The following PDE1A variants were observed in gnomAD, a reference collection of about 807,000 sequenced individuals.
PDE1A encodes the protein dual specificity calcium/calmodulin-dependent 3',5'-cyclic nucleotide phosphodiesterase 1A.
Under a neutral mutation model 61.7 loss-of-function variants are expected in PDE1A, and 35 were observed. The ratio of observed to expected loss-of-function variants is 0.57; its 90% CI spans 0.43 to 0.75. The LOEUF (loss-of-function observed/expected upper bound fraction) is 0.75. Among genes scored for constraint, PDE1A ranks in the 30% least tolerant of loss-of-function variants. The pLI, the probability that PDE1A is intolerant of heterozygous loss-of-function variation, is 0.00. For synonymous variants in PDE1A, 232 were observed against 213.2 expected (o/e 1.09, Z -0.77); for missense variants, 597 against 630.6 (o/e 0.95, Z 0.57).
intron 1 of PDE1A, among the ~76,000 whole-genome samples, chr2:182,338,159 T>C (rs1487705871): frequency 6.6e-6 from 1 of 152,192 alleles, no homozygotes. Context: ...CTTACTGCCT[T>C]GAATGAGGCC....
At chr2:182,567,237 A>G in the PDE1A span, among the ~76,000 whole-genome samples, 4 of 152,280 alleles carry the variant, frequency 2.6e-5, no homozygotes, top group South Asian at 4.1e-4. Flanking sequence ...GATTCCCACA[A>G]AACGTTTGCT....
At chr2:182,563,416 A>G in the PDE1A span, among the ~76,000 whole-genome samples, 10 of 152,150 alleles carry the variant, frequency 6.6e-5, no homozygotes, top group African/African-American at 2.4e-4. Flanking sequence ...CTGTGGTCTG[A>G]GAGATAGTTT....
chr2:182,268,044 T>C (rs1339403189), intron 1 of PDE1A, among the ~76,000 whole-genome samples: 2 of 152,154 alleles, frequency 1.3e-5, no homozygotes, highest in Non-Finnish European at 2.9e-5. Context: ...AAATTCTTTT[T>C]AATAATGATT....
At chr2:182,529,567 T>C in the PDE1A span, among the ~76,000 whole-genome samples, 1 of 152,192 alleles carries the variant, frequency 6.6e-6, no homozygotes, top group Non-Finnish European at 1.5e-5. Context: ...AAGGCATGAT[T>C]GATTTTGAAA....
At chr2:182,367,043 T>C (rs115099074) in intron 1 of PDE1A, among the ~76,000 whole-genome samples, 1,864 of 152,166 alleles carry the variant, frequency 0.012, 20 homozygotes, top group Middle Eastern at 0.027. Flanking sequence ...TTAACACTGA[T>C]CACTAATGTA....
the PDE1A span, among the ~76,000 whole-genome samples, chr2:182,674,309 A>G: frequency 6.6e-6 from 1 of 152,030 alleles, no homozygotes; most frequent in South Asian, 2.1e-4. Flanking sequence ...TAAAATGCCC[A>G]TAGTGCCTTC....
the PDE1A span, among the ~76,000 whole-genome samples, chr2:182,674,601 C>A: frequency 2.0e-5 from 3 of 151,372 alleles, no homozygotes; most frequent in Admixed American, 1.3e-4. Flanking sequence ...TACCCCACCA[C>A]CCCACCCACT....
the PDE1A span, among the ~76,000 whole-genome samples, chr2:182,626,751 A>G: frequency 3.7e-5 from 1 of 27,082 alleles, no homozygotes. Context: ...ATATATACAT[A>G]TATATATATA....
At chr2:182,658,195 C>T in the PDE1A span, among the ~76,000 whole-genome samples, 63 of 152,160 alleles carry the variant, frequency 4.1e-4, no homozygotes, top group Admixed American at 1.0e-3. Context: ...AGAGGCTAGA[C>T]GTCCAAAGTC....
chr2:182,384,456 G>A (rs1253119901), intron 1 of PDE1A, among the ~76,000 whole-genome samples: 1 of 93,124 alleles, frequency 1.1e-5, no homozygotes, highest in African/African-American at 4.2e-5. Context: ...TTAATAAAGA[G>A]AAAATAATAA....
the PDE1A span, among the ~76,000 whole-genome samples, chr2:182,696,719 C>G: frequency 6.6e-6 from 1 of 152,000 alleles, no homozygotes; most frequent in African/African-American, 2.4e-5. Context: ...TGTGTGGGGA[C>G]AGGGGGAATA....
intron 2 of PDE1A, among the ~76,000 whole-genome samples, chr2:182,432,147 A>T (rs752185785): frequency 3.3e-5 from 5 of 152,028 alleles, no homozygotes; most frequent in Non-Finnish European, 1.5e-5. Context: ...TTCCTCACTA[A>T]TCAAACTAAG....
At chr2:182,527,325 AAAATATATATATATATATATAT>A (rs1690790610), upstream of PDE1A, among the ~76,000 whole-genome samples, 31 of 38,114 alleles carry the variant, frequency 8.1e-4, 4 homozygotes, top group African/African-American at 1.2e-3. Context: ...AAAAAAAAAA[AAAATATATATATATATATATAT>A]ATATATATAT....
the PDE1A span, among the ~76,000 whole-genome samples, chr2:182,616,009 A>G: frequency 6.6e-6 from 1 of 152,228 alleles, no homozygotes; most frequent in Non-Finnish European, 1.5e-5. Context: ...CATTCAAACC[A>G]TAGCACTTAT....
chr2:182,378,893 T>C (rs1378443586), intron 1 of PDE1A, among the ~76,000 whole-genome samples: 3 of 152,234 alleles, frequency 2.0e-5, no homozygotes, highest in African/African-American at 7.2e-5. Flanking sequence ...TTTTTAAAGG[T>C]CATTCTTATT....
At chr2:182,156,352 CT>C (rs562822681) in intron 13 of PDE1A, among the ~76,000 whole-genome samples, 247 of 145,626 alleles carry the variant, frequency 1.7e-3, no homozygotes, top group Middle Eastern at 3.6e-3. Flanking sequence ...CCTTTCAACA[CT>C]TTTTTTTTTT....
intron 1 of PDE1A, among the ~76,000 whole-genome samples, chr2:182,275,675 T>C (rs1693356421): frequency 6.6e-6 from 1 of 152,108 alleles, no homozygotes. Context: ...TTGCAGATTT[T>C]TGTCTGGTGT....
At chr2:182,649,073 G>C in the PDE1A span, among the ~76,000 whole-genome samples, 1 of 152,184 alleles carries the variant, frequency 6.6e-6, no homozygotes, top group Non-Finnish European at 1.5e-5. Context: ...GCAGCAGGTA[G>C]CAGGCCCCTC....
At chr2:182,704,874 GC>G in the PDE1A span, among the ~76,000 whole-genome samples, 1 of 152,192 alleles carries the variant, frequency 6.6e-6, no homozygotes, top group South Asian at 2.1e-4. Flanking sequence ...ACCTCACAAA[GC>G]CCTGGAAAGA....
Sources: gnomAD v4.1 joint callset for allele counts (sites outside exome capture counted in the v4.1 genomes callset) on GRCh38, gnomAD v4.1.1 for gene constraint, MANE v1.5 for transcripts, NCBI Gene and HGNC (gene_info 2026-07-23, HGNC 2026-07-21) for gene names.